STXBP5L: variants seen among roughly 807,000 people sequenced by gnomAD.
STXBP5L encodes the protein syntaxin-binding protein 5-like.
Under a neutral mutation model 144.5 loss-of-function variants are expected in STXBP5L, and 65 were observed. The ratio of observed to expected loss-of-function variants is 0.45; its 90% CI spans 0.37 to 0.55. The LOEUF is 0.55. Among genes scored for constraint, STXBP5L ranks in the 20% least tolerant of loss-of-function variants. The pLI, the probability that STXBP5L is intolerant of heterozygous loss-of-function variation, is 0.00. For synonymous variants in STXBP5L, 505 were observed against 469.6 expected (o/e 1.08, Z -0.97); for missense variants, 1,298 against 1,405.5 (o/e 0.92, Z 1.22).
chr3:121,092,510 G>A (rs560122441), intron 5 of STXBP5L, among the ~76,000 whole-genome samples: 2 of 152,200 alleles, frequency 1.3e-5, no homozygotes, highest in South Asian at 4.1e-4. Flanking sequence ...TGGATTCCTA[G>A]GTATTTTATT....
chr3:120,927,311 C>T (rs1302231838), intron 2 of STXBP5L, among the ~76,000 whole-genome samples: 1 of 152,188 alleles, frequency 6.6e-6, no homozygotes, highest in Non-Finnish European at 1.5e-5. Context: ...CCCAGCAGAC[C>T]TGATGGATGA....
chr3:121,004,677 G>A (rs1438641382), intron 3 of STXBP5L, among the ~76,000 whole-genome samples: 3 of 152,112 alleles, frequency 2.0e-5, no homozygotes, highest in South Asian at 2.1e-4. Flanking sequence ...GTATGATATT[G>A]GCTGTGGGTT....
intron 5 of STXBP5L, among the ~76,000 whole-genome samples, chr3:121,098,912 C>T (rs1367773382): frequency 1.3e-5 from 2 of 152,120 alleles, no homozygotes; most frequent in Non-Finnish European, 2.9e-5. Flanking sequence ...CCATTTCAGG[C>T]ACATTATCAT....
At position 121,213,890 on chromosome 3, in the gene STXBP5L, A is replaced by T. The variant is rs186486819; in HGVS notation, c.956+7889A>T. 4.0e-5 allele frequency among the ~76,000 whole-genome samples: 6 copies of T among 151,510 alleles called. No individual in the cohort carries two copies. The East Asian group carries it at 1.2e-3, about 29-fold the overall frequency. ...CTATTAATTACTGCCTCAATTTTAG[A>T]ACTTATTTGTTCAGGGATTTGAGTT... On this transcript the variant is annotated intron_variant, in intron 10 of 26. Transcript: ENST00000471454.
At chr3:121,231,852 A>G (rs2049320039) in intron 11 of STXBP5L, among the ~76,000 whole-genome samples, 1 of 152,198 alleles carries the variant, frequency 6.6e-6, no homozygotes, top group Non-Finnish European at 1.5e-5. Context: ...ATTACTGCTC[A>G]TATCAGAATA....
intron 20 of STXBP5L, among the ~76,000 whole-genome samples, chr3:121,321,641 G>A (rs1460965741): frequency 1.3e-5 from 2 of 152,186 alleles, no homozygotes; most frequent in Non-Finnish European, 2.9e-5. Context: ...CAGATCACTT[G>A]AGAATCACTG....
At chr3:121,276,743 T>A (rs552514037) in intron 18 of STXBP5L, among the ~76,000 whole-genome samples, 1 of 152,018 alleles carries the variant, frequency 6.6e-6, no homozygotes, top group Non-Finnish European at 1.5e-5. Flanking sequence ...TGTAATAAAT[T>A]TTTTTATCTG....
intron 23 of STXBP5L, among the ~76,000 whole-genome samples, chr3:121,411,099 T>A (rs1452706742): frequency 6.6e-6 from 1 of 152,130 alleles, no homozygotes; most frequent in African/African-American, 2.4e-5. Flanking sequence ...TCTTTTAATA[T>A]CTTTTTAAGA....
chr3:121,395,365 TAAG>T (rs1487324476), intron 22 of STXBP5L, among the ~76,000 whole-genome samples: 4 of 152,200 alleles, frequency 2.6e-5, no homozygotes, highest in African/African-American at 9.6e-5. Flanking sequence ...TTCAAACAAA[TAAG>T]AAATTAAAAA....
At chr3:120,994,271 C>T (rs183783825) in intron 3 of STXBP5L, among the ~76,000 whole-genome samples, 1 of 151,882 alleles carries the variant, frequency 6.6e-6, no homozygotes, top group African/African-American at 2.4e-5. Context: ...AATTTGGATG[C>T]CTTTTATTTT....
chr3:121,157,890 A>T, intron 9 of STXBP5L: 1 of 372,118 alleles, frequency 2.7e-6, no homozygotes, highest in East Asian at 6.8e-5. Flanking sequence ...TGGATGGTTG[A>T]TATATCTGGG....
At chr3:121,262,256 ATTCTT>A (rs2050407244) in intron 18 of STXBP5L, among the ~76,000 whole-genome samples, 1 of 152,226 alleles carries the variant, frequency 6.6e-6, no homozygotes, top group Non-Finnish European at 1.5e-5. Context: ...TGCAAAATAC[ATTCTT>A]TTGATTCTAA....
chr3:121,166,027 T>G (rs1216388195), intron 9 of STXBP5L, among the ~76,000 whole-genome samples: 1 of 152,212 alleles, frequency 6.6e-6, no homozygotes, highest in East Asian at 1.9e-4. Context: ...TTTTTTCTTT[T>G]TTTGAGACAG....
intron 23 of STXBP5L, among the ~76,000 whole-genome samples, chr3:121,409,945 G>C (rs959730990): frequency 6.6e-6 from 1 of 151,384 alleles, no homozygotes; most frequent in Non-Finnish European, 1.5e-5. Flanking sequence ...ACTAGGTTTT[G>C]AGAGTGTTTT....
At chr3:121,305,233 C>T (rs1273442187) in intron 19 of STXBP5L, among the ~76,000 whole-genome samples, 1 of 152,070 alleles carries the variant, frequency 6.6e-6, no homozygotes, top group African/African-American at 2.4e-5. Flanking sequence ...TGCTATCAAA[C>T]ATTTAAGGAA....
At chr3:121,052,293 A>G (rs1001029067) in intron 5 of STXBP5L, among the ~76,000 whole-genome samples, 1 of 152,018 alleles carries the variant, frequency 6.6e-6, no homozygotes, top group Non-Finnish European at 1.5e-5. Context: ...ACATAACCAA[A>G]AAAGAGAATT....
chr3:121,354,750 A>G (rs2045438881), intron 20 of STXBP5L, among the ~76,000 whole-genome samples: 1 of 151,950 alleles, frequency 6.6e-6, no homozygotes, highest in Non-Finnish European at 1.5e-5. Context: ...TTAGCTGGTT[A>G]TTTTGCCCGT....
intron 18 of STXBP5L, among the ~76,000 whole-genome samples, chr3:121,262,637 C>T (rs1367681819): frequency 6.6e-6 from 1 of 152,032 alleles, no homozygotes; most frequent in Non-Finnish European, 1.5e-5. Context: ...AAAAAAGTCA[C>T]CTGAATCATA....
chr3:121,034,274 A>G (rs546380005), intron 3 of STXBP5L, among the ~76,000 whole-genome samples: 84 of 152,164 alleles, frequency 5.5e-4, no homozygotes, highest in Middle Eastern at 3.4e-3. Flanking sequence ...GTAATTTCTC[A>G]TCCCTCATCC....
Sources: gnomAD v4.1 joint callset for allele counts (sites outside exome capture counted in the v4.1 genomes callset) on GRCh38, gnomAD v4.1.1 for gene constraint, MANE v1.5 for transcripts, NCBI Gene and HGNC (gene_info 2026-07-23, HGNC 2026-07-21) for gene names.